MYO1D: variants seen among roughly 807,000 people sequenced by gnomAD.
MYO1D encodes myosin ID, also known as unconventional myosin-Id.
MYO1D carries 83 observed loss-of-function variants against 122.0 expected under a neutral mutation model. The observed-to-expected ratio is 0.68, with a 90% confidence interval of 0.57 to 0.82. The LOEUF (loss-of-function observed/expected upper bound fraction) is 0.82. MYO1D is among the 40% of genes least tolerant of loss of function. The pLI is 0.00. For missense variants in MYO1D, 1,157 were observed against 1,269.5 expected (o/e 0.91, Z 1.35); for synonymous variants, 464 against 446.9 (o/e 1.04, Z -0.48).
chr17:32,847,255 C>T (rs1379257373), intron 1 of MYO1D, among the ~76,000 whole-genome samples: 1 of 152,192 alleles, frequency 6.6e-6, no homozygotes, highest in African/African-American at 2.4e-5. Flanking sequence ...GTACCAAAAA[C>T]TATCATGCAA....
chr17:32,733,188 C>G (rs1284490878), intron 14 of MYO1D, among the ~76,000 whole-genome samples: 3 of 152,202 alleles, frequency 2.0e-5, no homozygotes, highest in African/African-American at 7.2e-5. Flanking sequence ...GTAGGTGGAA[C>G]AAGCCTGGCA....
chr17:32,692,810 C>T (rs1357262759), intron 16 of MYO1D, among the ~76,000 whole-genome samples: 1 of 152,162 alleles, frequency 6.6e-6, no homozygotes, highest in Non-Finnish European at 1.5e-5. Context: ...CTGGCATCTA[C>T]AGCAAACAGG....
At chr17:32,645,358 G>GA (rs1241882997) in intron 19 of MYO1D, among the ~76,000 whole-genome samples, 1 of 152,068 alleles carries the variant, frequency 6.6e-6, no homozygotes, top group African/African-American at 2.4e-5. Context: ...TTTCAACTTT[G>GA]GTGAATCTGA....
intron 19 of MYO1D, among the ~76,000 whole-genome samples, chr17:32,640,399 T>C (rs1231862183): frequency 6.6e-6 from 1 of 150,694 alleles, no homozygotes; most frequent in Non-Finnish European, 1.5e-5. Context: ...TATGTATACA[T>C]GTGCCATGCT....
chr17:32,522,487 A>G (rs1415753191), intron 21 of MYO1D, among the ~76,000 whole-genome samples: 1 of 152,216 alleles, frequency 6.6e-6, no homozygotes, highest in Non-Finnish European at 1.5e-5. Context: ...GCTGGAAGGG[A>G]TGCATAGTGA....
chr17:32,827,414 G>C (rs1430597339), intron 1 of MYO1D, among the ~76,000 whole-genome samples: 1 of 152,148 alleles, frequency 6.6e-6, no homozygotes, highest in African/African-American at 2.4e-5. Context: ...GGAGGAATGG[G>C]AGTTATGGTC....
At chr17:32,631,351 G>T (rs1157463163) in intron 20 of MYO1D, among the ~76,000 whole-genome samples, 1 of 152,174 alleles carries the variant, frequency 6.6e-6, no homozygotes, top group African/African-American at 2.4e-5. Flanking sequence ...TTAAAAGGCA[G>T]TCTTTGGCTA....
chr17:32,671,046 G>A (rs529862800), intron 16 of MYO1D, among the ~76,000 whole-genome samples: 25 of 152,336 alleles, frequency 1.6e-4, no homozygotes, highest in East Asian at 9.6e-4. Context: ...TGCCTGTCCC[G>A]GAGCTGCAGG....
intron 21 of MYO1D, among the ~76,000 whole-genome samples, chr17:32,515,058 C>T (rs1909842082): frequency 6.6e-6 from 1 of 152,186 alleles, no homozygotes; most frequent in African/African-American, 2.4e-5. Context: ...GTGGCTAGTG[C>T]CATGCCTGGC....
chr17:32,687,797 G>C (rs1200367908), intron 16 of MYO1D, among the ~76,000 whole-genome samples: 1 of 152,114 alleles, frequency 6.6e-6, no homozygotes, highest in Non-Finnish European at 1.5e-5. Flanking sequence ...AAATCCAGAA[G>C]CAAATTATTA....
In MYO1D at chr17:32,764,674, T is replaced by C. The variant is rs1162910905; in HGVS notation, c.1035+204A>G. On this transcript the variant is annotated intron_variant, in intron 8 of 21. Coordinates refer to ENST00000318217, the MANE Select transcript of MYO1D (RefSeq NM_015194.3). ...TCATGAGCGCCACCCCCAGTCAGCT[T>C]CCACTCTTCTCAGAACCTTTTTTGG... Among the ~76,000 whole-genome samples, 3 of 152,186 alleles carry C rather than the reference T, an allele frequency of 2.0e-5. No homozygotes were observed. In the East Asian group the frequency reaches 5.8e-4, roughly 29 times the overall value.
intron 1 of MYO1D, among the ~76,000 whole-genome samples, chr17:32,806,190 G>A (rs1438519243): frequency 2.6e-5 from 4 of 152,108 alleles, no homozygotes; most frequent in Middle Eastern, 3.2e-3. Flanking sequence ...CTCAGGAGGC[G>A]GAGGTTGCAG....
intron 19 of MYO1D, among the ~76,000 whole-genome samples, chr17:32,651,434 C>T (rs976581579): frequency 6.6e-6 from 1 of 152,216 alleles, no homozygotes; most frequent in Non-Finnish European, 1.5e-5. Context: ...GCCTTAGTCT[C>T]TCTCACTGTT....
intron 21 of MYO1D, among the ~76,000 whole-genome samples, chr17:32,590,469 C>T (rs756094721): frequency 3.3e-5 from 5 of 152,164 alleles, no homozygotes; most frequent in Non-Finnish European, 7.4e-5. Context: ...GTATAATGTA[C>T]ATGCTGTCTT....
intron 3 of MYO1D, among the ~76,000 whole-genome samples, chr17:32,777,005 T>C (rs1052789285): frequency 2.0e-5 from 3 of 152,202 alleles, no homozygotes; most frequent in African/African-American, 7.2e-5. Context: ...AATGAAAGCA[T>C]ATTTTAAAAA....
chr17:32,798,405 T>G (rs1291036337), intron 1 of MYO1D, among the ~76,000 whole-genome samples: 1 of 152,206 alleles, frequency 6.6e-6, no homozygotes, highest in Non-Finnish European at 1.5e-5. Context: ...TTCTTTTAGC[T>G]TAAGTTTACC....
chr17:32,715,211 G>C (rs2089428384), intron 15 of MYO1D, among the ~76,000 whole-genome samples: 6 of 152,188 alleles, frequency 3.9e-5, no homozygotes, highest in Non-Finnish European at 8.8e-5. Context: ...TATACTATTG[G>C]TGGGAATGTA....
chr17:32,548,482 G>A (rs905645118), intron 21 of MYO1D, among the ~76,000 whole-genome samples: 18 of 151,910 alleles, frequency 1.2e-4, no homozygotes, highest in African/African-American at 4.1e-4. Flanking sequence ...GAAGGCAGAG[G>A]AGGGAAAATG....
intron 16 of MYO1D, among the ~76,000 whole-genome samples, chr17:32,711,187 G>T (rs918489270): frequency 2.6e-5 from 4 of 152,162 alleles, no homozygotes; most frequent in Non-Finnish European, 5.9e-5. Flanking sequence ...ATGAATTAGT[G>T]AATGAAATGA....
Sources: gnomAD v4.1 joint callset for allele counts (sites outside exome capture counted in the v4.1 genomes callset) on GRCh38, gnomAD v4.1.1 for gene constraint, MANE v1.5 for transcripts, NCBI Gene and HGNC (gene_info 2026-07-23, HGNC 2026-07-21) for gene names.